The following SUV39H2 variants were observed in gnomAD, a reference collection of about 807,000 sequenced individuals.
SUV39H2 encodes the protein SUV39H2 histone lysine methyltransferase, also known as histone-lysine N-methyltransferase SUV39H2.
A neutral mutation model predicts 47.5 loss-of-function variants in SUV39H2; 10 were observed. That is an observed-to-expected ratio of 0.21 (90% CI 0.13 to 0.36). SUV39H2 has a LOEUF of 0.36. Ranked by LOEUF, SUV39H2 falls within the 10% of genes least tolerant of loss-of-function variation. The pLI is 1.00. For synonymous variants in SUV39H2, 159 were observed against 166.8 expected (o/e 0.95, Z 0.36); for missense variants, 266 against 487.4 (o/e 0.55, Z 4.28).
At chr10:14,878,997 C>T (rs1832955937) in intron 1 of SUV39H2, 78 bp downstream of exon 1, 1 of 1,331,882 alleles carries the variant, frequency 7.5e-7, no homozygotes. Context: ...GGCCGTCCCG[C>T]GGGCCAGCCA....
At chr10:14,900,290 TTACC>T (rs1164109645) in intron 4 of SUV39H2, among the ~76,000 whole-genome samples, 1 of 152,208 alleles carries the variant, frequency 6.6e-6, no homozygotes, top group Non-Finnish European at 1.5e-5. Context: ...TAATTTTGGG[TTACC>T]TACTAAGTAG....
At chr10:14,892,506 CG>C (rs1833419896) in intron 2 of SUV39H2, among the ~76,000 whole-genome samples, 1 of 152,188 alleles carries the variant, frequency 6.6e-6, no homozygotes, top group South Asian at 2.1e-4. Context: ...CTTTTGCCCA[CG>C]TTTTTCATCC....
intron 2 of SUV39H2, among the ~76,000 whole-genome samples, chr10:14,893,513 A>G (rs1049824303): frequency 3.9e-5 from 6 of 152,196 alleles, no homozygotes; most frequent in Admixed American, 3.9e-4. Context: ...ATATCAGAAT[A>G]AGATATTGAT....
At chr10:14,884,500 A>C (rs765606041) in intron 2 of SUV39H2, among the ~76,000 whole-genome samples, 4 of 152,214 alleles carry the variant, frequency 2.6e-5, no homozygotes, top group Non-Finnish European at 4.4e-5. Flanking sequence ...GCGCATTTTA[A>C]AAATTGGATT....
Position 14,897,766 on chromosome 10 carries a change from T to TA in SUV39H2, c.849+250dup, listed in dbSNP as rs543654349. 1.9e-3 allele frequency: 503 copies of TA among 268,112 alleles called. 6 individuals are homozygous for TA. The highest frequency in any genetic ancestry group is 0.01 in the African/African-American group (475 of 45,760). The allele number at this position is 268,112 out of a possible 1,614,324, so 16.6% of individuals were successfully genotyped here. ...TCTTTCAACAAATACACATTCCTAC[T>TA]AGTCAAACCTAGGATTTGTAAAATT... On this transcript the variant is annotated intron_variant, in intron 3 of 5. Transcript: ENST00000354919.
chr10:14,896,510 C>T (rs1361652240), intron 2 of SUV39H2, among the ~76,000 whole-genome samples: 2 of 152,142 alleles, frequency 1.3e-5, no homozygotes, highest in East Asian at 1.9e-4. Flanking sequence ...CATTTATTTC[C>T]ATGATCAAAA....
chr10:14,898,915 C>G (rs1450884297), intron 3 of SUV39H2: 1 of 314,998 alleles, frequency 3.2e-6, no homozygotes, highest in Admixed American at 4.8e-5. Flanking sequence ...CATATACTTG[C>G]AGATTTAGTC....
chr10:14,893,205 G>C (rs1312303869), intron 2 of SUV39H2, among the ~76,000 whole-genome samples: 1 of 151,044 alleles, frequency 6.6e-6, no homozygotes, highest in Non-Finnish European at 1.5e-5. Context: ...GGGTTTCACC[G>C]TGTTAGCCAG....
At chr10:14,896,792 T>G in intron 2 of SUV39H2, 54 bp from the exon 3 acceptor site, 1 of 1,433,782 alleles carries the variant, frequency 7.0e-7, no homozygotes, top group Non-Finnish European at 9.4e-7. Flanking sequence ...TTATTTTTGG[T>G]AAAACTGGGA....
At chr10:14,883,561 C>A (rs966414350) in intron 2 of SUV39H2, among the ~76,000 whole-genome samples, 1 of 151,522 alleles carries the variant, frequency 6.6e-6, no homozygotes, top group African/African-American at 2.4e-5. Context: ...AAAAATTAGC[C>A]GGGCATGGTG....
At position 14,878,876 on chromosome 10, in the gene SUV39H2, A is replaced by C. The variant is rs1268824142; in HGVS notation, c.-13A>C. The C allele has an allele frequency of 6.7e-7, 1 of 1,488,668 alleles. No homozygotes were observed. The highest frequency in any genetic ancestry group is 1.3e-5 in the South Asian group (1 of 76,022). The allele number at this position is 1,488,668 out of a possible 1,614,324, so 92.2% of individuals were successfully genotyped here. A position where few individuals can be genotyped will look rare whatever the true frequency, so the allele number is the denominator to read the frequency against. On this transcript the variant is annotated 5_prime_UTR_variant, in exon 1 of 6. Transcript: ENST00000354919. ...CCGTCAGACCGCGCCAGTTTGAATG[A>C]AAGCTCTACAAGATGGCGGCGGTCG... is the stretch of plus-strand genomic sequence containing the variant.
intron 2 of SUV39H2, among the ~76,000 whole-genome samples, chr10:14,888,448 A>G (rs1212135803): frequency 2.0e-5 from 3 of 152,078 alleles, no homozygotes; most frequent in South Asian, 2.1e-4. Flanking sequence ...ATCCTGGCCA[A>G]CATGGTGAAA....
chr10:14,879,096 G>A (rs986158801), intron 1 of SUV39H2, 177 bp downstream of exon 1: 73 of 1,273,262 alleles, frequency 5.7e-5, no homozygotes, highest in Non-Finnish European at 7.1e-5. Flanking sequence ...CCGCTGACCC[G>A]CCTCCCTGCC....
chr10:14,896,319 C>T (rs755341742), intron 2 of SUV39H2, among the ~76,000 whole-genome samples: 1 of 152,048 alleles, frequency 6.6e-6, no homozygotes, highest in Non-Finnish European at 1.5e-5. Flanking sequence ...GTATGTGGCT[C>T]GTAATAACCG....
chr10:14,893,628 A>T (rs1267113960), intron 2 of SUV39H2, among the ~76,000 whole-genome samples: 3 of 152,186 alleles, frequency 2.0e-5, no homozygotes, highest in Non-Finnish European at 2.9e-5. Context: ...TCTTTTCTGG[A>T]TTTTAAAAAT....
intron 2 of SUV39H2, among the ~76,000 whole-genome samples, chr10:14,894,779 G>C (rs1312280219): frequency 6.6e-6 from 1 of 152,142 alleles, no homozygotes; most frequent in Non-Finnish European, 1.5e-5. Context: ...TGGGCGCCTG[G>C]TTCCTGCACA....
At chr10:14,885,299 T>C (rs1833171528) in intron 2 of SUV39H2, among the ~76,000 whole-genome samples, 1 of 152,232 alleles carries the variant, frequency 6.6e-6, no homozygotes, top group Non-Finnish European at 1.5e-5. Context: ...TTTGCACTAG[T>C]GTTCCCTATC....
In SUV39H2 at chr10:14,903,488, A is replaced by T. The variant is rs1834157110; in HGVS notation, c.*976A>T. The T allele has an allele frequency of 6.6e-6, 1 of 152,208 alleles. No individual in the cohort carries two copies. Among genetic ancestry groups the T allele is most frequent in the Admixed American group, 6.5e-5 (1 of 15,274 alleles). 9.4% of individuals were successfully genotyped at this position (152,208 alleles called of 1,614,324 possible). A position where few individuals can be genotyped will look rare whatever the true frequency, so the allele number is the denominator to read the frequency against. On this transcript the variant is annotated 3_prime_UTR_variant, in exon 6 of 6. Transcript: ENST00000354919. Reference sequence around the variant, plus strand: ...CCTTTCCACCAGATTTAATATTTTTATACTTCCTGCAGGTTCTTCTTAAAA... The same window carrying T: ...CCTTTCCACCAGATTTAATATTTTTTTACTTCCTGCAGGTTCTTCTTAAAA...
At chr10:14,893,713 G>T (rs532653845) in intron 2 of SUV39H2, among the ~76,000 whole-genome samples, 1 of 152,302 alleles carries the variant, frequency 6.6e-6, no homozygotes, top group African/African-American at 2.4e-5. Flanking sequence ...ATGCTAGTCT[G>T]CTATAAGCAT....
Sources: gnomAD v4.1 joint callset for allele counts (sites outside exome capture counted in the v4.1 genomes callset) on GRCh38, gnomAD v4.1.1 for gene constraint, MANE v1.5 for transcripts, NCBI Gene and HGNC (gene_info 2026-07-23, HGNC 2026-07-21) for gene names.